The following ZBTB20 variants were observed in gnomAD, a reference collection of about 807,000 sequenced individuals.
ZBTB20 encodes the protein zinc finger and BTB domain-containing protein 20.
A neutral mutation model predicts 56.9 loss-of-function variants in ZBTB20; 9 were observed. The ratio of observed to expected loss-of-function variants is 0.16; its 90% CI spans 0.10 to 0.28. ZBTB20 has a LOEUF of 0.28. Ranked by LOEUF, ZBTB20 falls within the 10% of genes least tolerant of loss-of-function variation. ZBTB20 has a pLI of 1.00. For missense variants in ZBTB20, 655 were observed against 1,003.0 expected, an observed-to-expected ratio of 0.65 and a Z score of 4.69; for synonymous variants, 417 against 420.7, an observed-to-expected ratio of 0.99 and a Z score of 0.11.
intron 7 of ZBTB20, among the ~76,000 whole-genome samples, chr3:114,436,687 A>AC (rs1471000200): frequency 1.3e-5 from 2 of 152,108 alleles, no homozygotes; most frequent in Non-Finnish European, 2.9e-5. Context: ...CACTATGTAA[A>AC]CCTATATTCC....
chr3:115,100,973 T>C (rs1225654753), intron 1 of ZBTB20, among the ~76,000 whole-genome samples: 1 of 152,184 alleles, frequency 6.6e-6, no homozygotes, highest in Non-Finnish European at 1.5e-5. Context: ...CGAGACCATA[T>C]ACAAAATTGC....
intron 5 of ZBTB20, among the ~76,000 whole-genome samples, chr3:114,772,862 T>C (rs1024999663): frequency 5.3e-5 from 8 of 152,170 alleles, no homozygotes; most frequent in African/African-American, 1.4e-4. Flanking sequence ...GTAAATGTAA[T>C]GAAGGTTGTT....
chr3:115,007,357 A>G (rs1277553688), intron 2 of ZBTB20, among the ~76,000 whole-genome samples: 4 of 151,658 alleles, frequency 2.6e-5, no homozygotes, highest in Non-Finnish European at 1.5e-5. Flanking sequence ...AAAAAAAGAG[A>G]AAGAGAAAAA....
At chr3:114,998,444 GA>G (rs2079115052) in intron 2 of ZBTB20, among the ~76,000 whole-genome samples, 1 of 151,688 alleles carries the variant, frequency 6.6e-6, no homozygotes, top group Admixed American at 6.6e-5. Flanking sequence ...AACTACTGAA[GA>G]GTATTAAGTG....
chr3:114,794,754 G>A (rs1280726901), intron 5 of ZBTB20, among the ~76,000 whole-genome samples: 1 of 151,850 alleles, frequency 6.6e-6, no homozygotes, highest in African/African-American at 2.4e-5. Flanking sequence ...GGCATACCAT[G>A]TTATTAATGC....
At chr3:115,023,418 T>G (rs1222297006) in intron 2 of ZBTB20, among the ~76,000 whole-genome samples, 1 of 150,888 alleles carries the variant, frequency 6.6e-6, no homozygotes, top group African/African-American at 2.4e-5. Context: ...CTGTGCCCCA[T>G]GTGTTCTTTC....
chr3:115,130,928 A>G (rs987095176), intron 1 of ZBTB20, among the ~76,000 whole-genome samples: 1 of 151,912 alleles, frequency 6.6e-6, no homozygotes, highest in Non-Finnish European at 1.5e-5. Flanking sequence ...TGCCCAGATA[A>G]TTTTGAATTT....
At chr3:114,956,914 A>G (rs1198732653) in intron 3 of ZBTB20, among the ~76,000 whole-genome samples, 1 of 152,166 alleles carries the variant, frequency 6.6e-6, no homozygotes, top group Non-Finnish European at 1.5e-5. Flanking sequence ...ATACGCAACA[A>G]TGTACACTGT....
chr3:114,729,668 A>G (rs1044388607), intron 5 of ZBTB20, among the ~76,000 whole-genome samples: 9 of 152,226 alleles, frequency 5.9e-5, no homozygotes, highest in Admixed American at 3.3e-4. Flanking sequence ...GTGCAATAAT[A>G]TTAAATTTTT....
At chr3:114,674,620 T>C (rs971589509) in intron 6 of ZBTB20, among the ~76,000 whole-genome samples, 58 of 152,146 alleles carry the variant, frequency 3.8e-4, no homozygotes, top group African/African-American at 1.3e-3. Flanking sequence ...TAACTCAAAT[T>C]ATTTTGTAAA....
At chr3:114,595,468 G>C (rs1381978054) in intron 6 of ZBTB20, among the ~76,000 whole-genome samples, 1 of 152,166 alleles carries the variant, frequency 6.6e-6, no homozygotes, top group Non-Finnish European at 1.5e-5. Flanking sequence ...AGCAGATCCT[G>C]AGCACCTACA....
chr3:115,017,266 A>T (rs1245954994), intron 2 of ZBTB20, among the ~76,000 whole-genome samples: 1 of 151,540 alleles, frequency 6.6e-6, no homozygotes, highest in Non-Finnish European at 1.5e-5. Flanking sequence ...ATCATGAATG[A>T]ACTCCCATTC....
intron 6 of ZBTB20, among the ~76,000 whole-genome samples, chr3:114,671,650 G>A (rs1344055869): frequency 6.6e-6 from 1 of 150,728 alleles, no homozygotes; most frequent in African/African-American, 2.4e-5. Flanking sequence ...AAATAAGATC[G>A]GTCTGTTCAG....
chr3:114,882,543 G>C (rs2076437189), intron 4 of ZBTB20, among the ~76,000 whole-genome samples: 1 of 152,014 alleles, frequency 6.6e-6, no homozygotes, highest in African/African-American at 2.4e-5. Flanking sequence ...TAAATAGGCA[G>C]TGGTTAAATA....
chr3:114,910,965 T>C (rs2075511919), intron 3 of ZBTB20, among the ~76,000 whole-genome samples: 1 of 152,090 alleles, frequency 6.6e-6, no homozygotes, highest in Non-Finnish European at 1.5e-5. Flanking sequence ...TTCACTAAGC[T>C]TCATGTCTTT....
intron 6 of ZBTB20, among the ~76,000 whole-genome samples, chr3:114,581,793 A>T (rs914203093): frequency 6.6e-6 from 1 of 152,172 alleles, no homozygotes; most frequent in African/African-American, 2.4e-5. Context: ...GCATGTGGAG[A>T]AGCTCTCATA....
intron 3 of ZBTB20, among the ~76,000 whole-genome samples, chr3:114,946,934 T>C (rs114640520): frequency 0.02 from 2,972 of 145,084 alleles, 126 homozygotes; most frequent in South Asian, 0.035. Flanking sequence ...CATCTAGAAC[T>C]TACAAGGAAC....
At chr3:115,112,967 T>C (rs2083921174) in intron 1 of ZBTB20, among the ~76,000 whole-genome samples, 1 of 152,154 alleles carries the variant, frequency 6.6e-6, no homozygotes, top group South Asian at 2.1e-4. Context: ...TTATTTTCTG[T>C]CTTTTTAATA....
intron 6 of ZBTB20, among the ~76,000 whole-genome samples, chr3:114,588,149 G>A (rs1216288130): frequency 1.3e-5 from 2 of 152,134 alleles, no homozygotes; most frequent in Non-Finnish European, 2.9e-5. Flanking sequence ...TGTTTTAGGT[G>A]GGGGAAGGGG....
Sources: allele counts gnomAD v4.1 joint callset (sites outside exome capture counted in the v4.1 genomes callset), GRCh38; gene constraint gnomAD v4.1.1; transcripts MANE v1.5; gene names NCBI Gene and HGNC (gene_info 2026-07-23, HGNC 2026-07-21).